Variants in SEMA3A observed in about 807,000 individuals in gnomAD.
SEMA3A encodes semaphorin 3A.
In SEMA3A, 29 loss-of-function variants were observed where a neutral mutation model predicts 97.9. The observed-to-expected ratio is 0.30, with a 90% CI of 0.22 to 0.40. SEMA3A has a LOEUF of 0.40. Ranked by LOEUF, SEMA3A falls within the 10% of genes least tolerant of loss-of-function variation. The pLI, the probability that SEMA3A is intolerant of heterozygous loss-of-function variation, is 1.00. For synonymous variants in SEMA3A, 321 were observed against 323.7 expected (o/e 0.99, Z 0.09); for missense variants, 763 against 951.3 (o/e 0.80, Z 2.60).
chr7:84,224,954 G>GCC (rs150080765), intron 3 of SEMA3A, among the ~76,000 whole-genome samples: 2 of 152,010 alleles, frequency 1.3e-5, no homozygotes, highest in African/African-American at 4.8e-5. Context: ...CTGCTTTATA[G>GCC]CCCCCCCTAG....
rs780861957 is a variant in SEMA3A, at chr7:83,981,455, C to A, written c.1518G>T (p.Thr506=). 1.9e-6 allele frequency: 3 copies of A among 1,611,722 alleles called. No homozygotes were observed. The South Asian group carries it at 3.3e-5, about 18-fold the overall frequency. ...GTAAAGGGAGCTGGGCAACCCCAGC[C>A]GTTGAACCAATATATAGTTGTTGCT... ...TKQQQLYIGS[T]AGVAQLPLHR... Residue 506 remains threonine, a synonymous_variant, in exon 14 of 17, where the codon ACG becomes ACT. Coordinates refer to ENST00000265362, the MANE Select transcript of SEMA3A (RefSeq NM_006080.3).
At chr7:84,317,143 A>T (rs1801526854) in intron 2 of SEMA3A, among the ~76,000 whole-genome samples, 1 of 152,132 alleles carries the variant, frequency 6.6e-6, no homozygotes, top group South Asian at 2.1e-4. Context: ...GCCTTGAGGG[A>T]CTTTTATACA....
At chr7:84,242,858 T>C (rs1251814155) in intron 3 of SEMA3A, among the ~76,000 whole-genome samples, 1 of 152,220 alleles carries the variant, frequency 6.6e-6, no homozygotes, top group African/African-American at 2.4e-5. Context: ...GTGTTGAATT[T>C]TATTCAAGGC....
At chr7:84,475,372 G>T (rs1237967605) in intron 1 of SEMA3A, among the ~76,000 whole-genome samples, 1 of 152,020 alleles carries the variant, frequency 6.6e-6, no homozygotes, top group Non-Finnish European at 1.5e-5. Context: ...GAGTGGTGGT[G>T]GTTTGTTTGG....
intron 1 of SEMA3A, among the ~76,000 whole-genome samples, chr7:84,178,488 A>G (rs548970447): frequency 3.0e-5 from 4 of 133,862 alleles, no homozygotes; most frequent in African/African-American, 1.2e-4. Flanking sequence ...CCTATCTTAC[A>G]AATAAATATT....
At chr7:84,325,137 A>G (rs541708456) in intron 2 of SEMA3A, among the ~76,000 whole-genome samples, 351 of 93,160 alleles carry the variant, frequency 3.8e-3, no homozygotes, top group Non-Finnish European at 6.6e-3. Context: ...CTATCTATCT[A>G]TCTATCTATC....
At chr7:84,395,214 T>C (rs1803693799) in intron 1 of SEMA3A, among the ~76,000 whole-genome samples, 1 of 152,114 alleles carries the variant, frequency 6.6e-6, no homozygotes, top group African/African-American at 2.4e-5. Context: ...ATAGACTTGA[T>C]CCTCAGCTTT....
intron 2 of SEMA3A, among the ~76,000 whole-genome samples, chr7:84,358,091 G>A (rs1341985728): frequency 6.6e-6 from 1 of 152,158 alleles, no homozygotes; most frequent in Non-Finnish European, 1.5e-5. Flanking sequence ...TAGGTTGCCT[G>A]TTCACACTGA....
At position 84,465,467 on chromosome 7, in the gene SEMA3A, G is replaced by A. The variant is rs186183115; in HGVS notation, c.-246+26993C>T. Among the ~76,000 whole-genome samples, 128 of 151,934 alleles carry A rather than the reference G, an allele frequency of 8.4e-4. 1 individual carries two copies. Among genetic ancestry groups the A allele is most frequent in the Middle Eastern group, 3.4e-3 (1 of 292 alleles). ...TATTGACTTTCTTTTCTGATTTTTT[G>A]TATTTATTCATATGTGTTCTTCTGT... On this transcript the variant is annotated intron_variant, in intron 1 of 3. Transcript: ENST00000424555.
chr7:83,997,554 A>G (rs1021627447), intron 12 of SEMA3A, among the ~76,000 whole-genome samples: 3 of 152,200 alleles, frequency 2.0e-5, no homozygotes, highest in Non-Finnish European at 4.4e-5. Context: ...TTGAGTGCCA[A>G]AGAAATAATA....
At chr7:83,979,412 G>A (rs1789303856) in intron 14 of SEMA3A, among the ~76,000 whole-genome samples, 1 of 152,192 alleles carries the variant, frequency 6.6e-6, no homozygotes, top group South Asian at 2.1e-4. Flanking sequence ...GATTACAGGT[G>A]TGAGCCACGG....
chr7:84,023,588 T>C (rs1011600731), intron 6 of SEMA3A, among the ~76,000 whole-genome samples: 10 of 152,158 alleles, frequency 6.6e-5, no homozygotes, highest in Non-Finnish European at 1.3e-4. Context: ...AATCCTCTTG[T>C]AAAACATGTC....
chr7:84,304,872 A>T (rs1801114014), intron 3 of SEMA3A, among the ~76,000 whole-genome samples: 1 of 152,044 alleles, frequency 6.6e-6, no homozygotes, highest in Admixed American at 6.6e-5. Flanking sequence ...ACATATTTTC[A>T]ATTTCACTTT....
At chr7:84,346,614 C>G (rs1802306619) in intron 2 of SEMA3A, among the ~76,000 whole-genome samples, 1 of 152,020 alleles carries the variant, frequency 6.6e-6, no homozygotes, top group Admixed American at 6.6e-5. Context: ...GTGGAGCAGT[C>G]AGAACACACC....
intron 2 of SEMA3A, among the ~76,000 whole-genome samples, chr7:84,131,562 C>T (rs904764124): frequency 4.6e-5 from 7 of 152,040 alleles, no homozygotes; most frequent in African/African-American, 1.4e-4. Context: ...GTGTTTTTGC[C>T]TCGAAGAGGG....
intron 4 of SEMA3A, among the ~76,000 whole-genome samples, chr7:84,095,359 A>G (rs1038708438): frequency 3.5e-4 from 4 of 11,346 alleles, no homozygotes; most frequent in African/African-American, 1.2e-3. Flanking sequence ...TTTTATATAC[A>G]TATATATATA....
intron 7 of SEMA3A, 97 bp from the exon 8 acceptor site, chr7:84,011,394 A>C: frequency 1.3e-6 from 1 of 789,976 alleles, no homozygotes; most frequent in South Asian, 1.6e-5. Flanking sequence ...CATAAAATAC[A>C]GTTTCTCATG....
intron 2 of SEMA3A, among the ~76,000 whole-genome samples, chr7:84,312,915 T>TAC (rs1186737768): frequency 5.6e-3 from 244 of 43,424 alleles, no homozygotes; most frequent in Non-Finnish European, 0.01. Flanking sequence ...TATATATATA[T>TAC]ATATATACAC....
chr7:84,403,916 A>G (rs1460829509), intron 1 of SEMA3A, among the ~76,000 whole-genome samples: 2 of 152,170 alleles, frequency 1.3e-5, no homozygotes, highest in Non-Finnish European at 2.9e-5. Context: ...TCAAAGACCA[A>G]AGGTAGATAA....
Sources: allele counts gnomAD v4.1 joint callset (sites outside exome capture counted in the v4.1 genomes callset), GRCh38; gene constraint gnomAD v4.1.1; transcripts MANE v1.5; gene names NCBI Gene and HGNC (gene_info 2026-07-23, HGNC 2026-07-21).